The following RPS6KC1 variants were observed in gnomAD, a reference collection of about 807,000 sequenced individuals.
RPS6KC1 encodes ribosomal protein S6 kinase C1.
A neutral mutation model predicts 103.8 loss-of-function variants in RPS6KC1; 54 were observed. The ratio of observed to expected loss-of-function variants is 0.52; its 90% CI spans 0.42 to 0.65. The LOEUF (loss-of-function observed/expected upper bound fraction) is 0.65. Ranked by LOEUF, RPS6KC1 falls within the 30% of genes least tolerant of loss-of-function variation. The pLI is 0.00. For synonymous variants in RPS6KC1, 439 were observed against 438.7 expected, an observed-to-expected ratio of 1.00 and a Z score of -0.01; for missense variants, 1,151 against 1,253.8, an observed-to-expected ratio of 0.92 and a Z score of 1.24.
chr1:213,417,084 A>T, the RPS6KC1 span, among the ~76,000 whole-genome samples: 1 of 152,128 alleles, frequency 6.6e-6, no homozygotes, highest in East Asian at 1.9e-4. Context: ...CACCCCAGGG[A>T]TGGGCTACTG....
chr1:213,259,815 C>T lies in RPS6KC1; in HGVS notation c.2912-1743C>T, dbSNP rs528558222. Among the ~76,000 whole-genome samples the T allele has an allele frequency of 1.9e-3, 290 of 148,772 alleles. 1 individual carries two copies. The highest frequency in any genetic ancestry group is 6.8e-3 in the African/African-American group (275 of 40,540). On this transcript the variant is annotated intron_variant, in intron 12 of 14. Transcript: ENST00000366960. ...GTGCAGTGGCCTGCTCTCAGCTCAC[C>T]GCAACCTCCACCTCCTGGGTTCAAG... is the stretch of plus-strand genomic sequence containing the variant.
intron 5 of RPS6KC1, among the ~76,000 whole-genome samples, chr1:213,118,018 T>C (rs2083870970): frequency 6.5e-5 from 1 of 15,302 alleles, no homozygotes; most frequent in Admixed American, 3.7e-4. Context: ...CAAGACTTTG[T>C]CTCAAAAAAA....
At chr1:213,843,302 G>C in the RPS6KC1 span, among the ~76,000 whole-genome samples, 1 of 152,124 alleles carries the variant, frequency 6.6e-6, no homozygotes, top group Non-Finnish European at 1.5e-5. Flanking sequence ...AAACTACTGG[G>C]CACCACAGCC....
intron 6 of RPS6KC1, among the ~76,000 whole-genome samples, chr1:213,151,985 C>A (rs2089102303): frequency 7.8e-6 from 1 of 128,450 alleles, no homozygotes; most frequent in Non-Finnish European, 1.7e-5. Context: ...GGGCTCCTCA[C>A]TTCCCAGTAG....
the RPS6KC1 span, among the ~76,000 whole-genome samples, chr1:213,486,519 A>T: frequency 1.4e-5 from 2 of 144,510 alleles, no homozygotes; most frequent in Non-Finnish European, 3.1e-5. Context: ...AGCAGCTGGG[A>T]CCTGACAGGC....
intron 7 of RPS6KC1, among the ~76,000 whole-genome samples, chr1:213,174,776 C>T (rs1020840657): frequency 6.6e-6 from 1 of 151,816 alleles, no homozygotes; most frequent in Admixed American, 6.6e-5. Context: ...AAAAAGGTTC[C>T]CCTTAGTTTT....
the RPS6KC1 span, among the ~76,000 whole-genome samples, chr1:213,621,579 A>G: frequency 1.4e-5 from 2 of 148,052 alleles, no homozygotes; most frequent in South Asian, 4.4e-4. Flanking sequence ...AATAGACTGA[A>G]GGAACTAACA....
Position 213,272,619 on chromosome 1 carries a change from A to G in RPS6KC1, c.3186A>G (p.Ala1062=). 6.2e-7 allele frequency: 1 copy of G among 1,611,440 alleles called. No homozygotes were observed. Among genetic ancestry groups the G allele is most frequent in the Non-Finnish European group, 8.5e-7 (1 of 1,177,586 alleles). The change falls in exon 15 of 15, where the codon GCA becomes GCG. Residue 1062 remains alanine, a synonymous_variant. Coordinates refer to ENST00000366960, the MANE Select transcript of RPS6KC1 (RefSeq NM_012424.6). ...SHPFFTPVDW[A]ELMR Reference sequence around the variant, plus strand: ...CATTTTTTACCCCTGTGGATTGGGCAGAACTGATGAGATGAACGTAATGCA... The same window carrying G: ...CATTTTTTACCCCTGTGGATTGGGCGGAACTGATGAGATGAACGTAATGCA...
the RPS6KC1 span, among the ~76,000 whole-genome samples, chr1:213,416,957 C>A: frequency 3.9e-5 from 6 of 152,184 alleles, no homozygotes; most frequent in African/African-American, 1.4e-4. Flanking sequence ...GGGTGAAGAC[C>A]TAGCCGCAGT....
the RPS6KC1 span, among the ~76,000 whole-genome samples, chr1:213,606,598 A>T: frequency 3.3e-5 from 5 of 152,314 alleles, no homozygotes; most frequent in South Asian, 6.2e-4. Context: ...GTGTCCAGGG[A>T]AATCATTATC....
At chr1:213,121,750 A>G (rs1331053604) in intron 5 of RPS6KC1, among the ~76,000 whole-genome samples, 1 of 152,154 alleles carries the variant, frequency 6.6e-6, no homozygotes, top group East Asian at 1.9e-4. Flanking sequence ...TCTTCCTAAT[A>G]CATCACTTTT....
intron 7 of RPS6KC1, among the ~76,000 whole-genome samples, chr1:213,170,209 T>C (rs966803492): frequency 1.3e-5 from 2 of 152,244 alleles, no homozygotes; most frequent in African/African-American, 4.8e-5. Context: ...GTTAGTTTCC[T>C]ATAGGCATAT....
chr1:213,485,622 T>C, the RPS6KC1 span, among the ~76,000 whole-genome samples: 1 of 152,180 alleles, frequency 6.6e-6, no homozygotes, highest in Non-Finnish European at 1.5e-5. Flanking sequence ...AAGTTGCTGC[T>C]GATGGCACCA....
At chr1:213,106,979 T>C (rs1266418333) in intron 4 of RPS6KC1, among the ~76,000 whole-genome samples, 1 of 152,130 alleles carries the variant, frequency 6.6e-6, no homozygotes, top group Non-Finnish European at 1.5e-5. Context: ...CTCACTCTGT[T>C]GCCCAGGCTA....
the RPS6KC1 span, among the ~76,000 whole-genome samples, chr1:213,674,230 A>T: frequency 6.6e-6 from 1 of 152,070 alleles, no homozygotes; most frequent in African/African-American, 2.4e-5. Context: ...TGTTGGCCAG[A>T]CTGGTCTTGA....
chr1:213,652,194 A>T, the RPS6KC1 span, among the ~76,000 whole-genome samples: 1 of 152,316 alleles, frequency 6.6e-6, no homozygotes, highest in African/African-American at 2.4e-5. Context: ...AATGATATTA[A>T]CAATAATACT....
the RPS6KC1 span, among the ~76,000 whole-genome samples, chr1:213,800,823 G>A: frequency 6.6e-6 from 1 of 152,272 alleles, no homozygotes; most frequent in East Asian, 1.9e-4. Context: ...TGAGGTGATT[G>A]CAACCTTTAT....
the RPS6KC1 span, among the ~76,000 whole-genome samples, chr1:213,569,457 C>T: frequency 6.6e-6 from 1 of 152,178 alleles, no homozygotes; most frequent in African/African-American, 2.4e-5. Flanking sequence ...CTTCTATACT[C>T]TTAGCTGTGT....
the RPS6KC1 span, among the ~76,000 whole-genome samples, chr1:213,284,800 A>C: frequency 2.0e-5 from 3 of 152,182 alleles, no homozygotes; most frequent in Non-Finnish European, 4.4e-5. Context: ...GACTAATACC[A>C]AAAAAAGGAA....
Sources: gnomAD v4.1 joint callset for allele counts (sites outside exome capture counted in the v4.1 genomes callset) on GRCh38, gnomAD v4.1.1 for gene constraint, MANE v1.5 for transcripts, NCBI Gene and HGNC (gene_info 2026-07-23, HGNC 2026-07-21) for gene names.